The following DOCK1 variants were observed in gnomAD, a reference collection of about 807,000 sequenced individuals.
DOCK1 encodes dedicator of cytokinesis 1.
DOCK1 carries 138 observed loss-of-function variants against 262.7 expected under a neutral mutation model. That is an observed-to-expected ratio of 0.53 (90% CI 0.46 to 0.61). The LOEUF is 0.61. DOCK1 is among the 20% of genes least tolerant of loss of function. The pLI is 0.00. For synonymous variants in DOCK1, 866 were observed against 867.4 expected (o/e 1.00, Z 0.03); for missense variants, 1,908 against 2,370.7 (o/e 0.80, Z 4.05).
chr10:126,964,714 G>A (rs2037528983), intron 1 of DOCK1, among the ~76,000 whole-genome samples: 1 of 152,206 alleles, frequency 6.6e-6, no homozygotes, highest in African/African-American at 2.4e-5. Flanking sequence ...AAGGAGTAAC[G>A]TATGGCCACC....
rs139103960 is a variant in DOCK1, at chr10:127,395,426, C to T, written c.3928-7629C>T. 6.8e-4 allele frequency among the ~76,000 whole-genome samples: 104 copies of T among 152,276 alleles called. 1 individual carries two copies. Among genetic ancestry groups the T allele is most frequent in the African/African-American group, 2.2e-3 (92 of 41,564 alleles). On this transcript the variant is annotated intron_variant, in intron 38 of 51. Coordinates refer to ENST00000623213, the MANE Select transcript of DOCK1 (RefSeq NM_001290223.2). ...TCCACCGTCATGACCTAATCACCTT[C>T]GAAGGCCTCATCTCCTAATGCCAAC... is the stretch of plus-strand genomic sequence containing the variant.
intron 27 of DOCK1, among the ~76,000 whole-genome samples, chr10:127,244,552 A>G (rs1275041041): frequency 6.6e-6 from 1 of 152,182 alleles, no homozygotes; most frequent in African/African-American, 2.4e-5. Flanking sequence ...TGCTCACATT[A>G]TCATCATTGA....
intron 48 of DOCK1, among the ~76,000 whole-genome samples, chr10:127,434,656 C>CTT (rs34630603): frequency 5.6e-5 from 8 of 143,380 alleles, no homozygotes; most frequent in African/African-American, 7.6e-5. Context: ...TGTCTACTTT[C>CTT]TTTTTTTTTT....
intron 27 of DOCK1, among the ~76,000 whole-genome samples, chr10:127,180,202 G>T (rs916530658): frequency 5.3e-5 from 8 of 152,210 alleles, no homozygotes; most frequent in African/African-American, 1.7e-4. Flanking sequence ...CTGGGTGCTG[G>T]TTAGGCAAGG....
intron 22 of DOCK1, among the ~76,000 whole-genome samples, chr10:127,056,757 T>C (rs2045183337): frequency 6.6e-6 from 1 of 152,182 alleles, no homozygotes; most frequent in Non-Finnish European, 1.5e-5. Flanking sequence ...CCTACCCTCA[T>C]TCCTGAGGGG....
chr10:127,287,719 T>G (rs2061209754), intron 29 of DOCK1, among the ~76,000 whole-genome samples: 1 of 151,106 alleles, frequency 6.6e-6, no homozygotes, highest in Non-Finnish European at 1.5e-5. Context: ...TGGTGTGGTG[T>G]TCTTCCCATT....
intron 31 of DOCK1, among the ~76,000 whole-genome samples, chr10:127,346,832 T>G (rs7919057): frequency 0.037 from 5,627 of 152,222 alleles, 206 homozygotes; most frequent in African/African-American, 0.094. Flanking sequence ...CCCAGGAAAG[T>G]CCCCAGGCAG....
intron 18 of DOCK1, among the ~76,000 whole-genome samples, chr10:127,037,440 G>A (rs1021547011): frequency 6.6e-6 from 1 of 152,200 alleles, no homozygotes; most frequent in Non-Finnish European, 1.5e-5. Flanking sequence ...CCTGTAGAAT[G>A]GAAAGACAAG....
intron 29 of DOCK1, among the ~76,000 whole-genome samples, chr10:127,301,677 G>T (rs2061683417): frequency 6.6e-6 from 1 of 152,114 alleles, no homozygotes; most frequent in African/African-American, 2.4e-5. Context: ...TGCGCGCTGT[G>T]GCTCATGCCT....
At chr10:127,239,838 T>C (rs926699968) in intron 27 of DOCK1, among the ~76,000 whole-genome samples, 1 of 152,284 alleles carries the variant, frequency 6.6e-6, no homozygotes, top group Non-Finnish European at 1.5e-5. Context: ...TAGGATCAAA[T>C]GAATTATATT....
chr10:127,012,495 T>C lies in DOCK1; in HGVS notation c.1201+121T>C. The C allele has an allele frequency of 1.2e-6, 1 of 819,558 alleles. No individual in the cohort carries two copies. 50.8% of individuals were successfully genotyped at this position (819,558 alleles called of 1,614,324 possible). On this transcript the variant is annotated intron_variant, in intron 12 of 51. Coordinates refer to ENST00000623213, the MANE Select transcript of DOCK1 (RefSeq NM_001290223.2). This position sits in a 1 kb window ranked among gnomAD's most constrained non-coding sequence, Gnocchi z 4.0. ...GTGGTGATAATGATGGGGATGACAGTGATCGTGGTGGAGAATGTGTGTGAC... is the reference window on the plus strand; with the variant it reads ...GTGGTGATAATGATGGGGATGACAGCGATCGTGGTGGAGAATGTGTGTGAC...
intron 29 of DOCK1, among the ~76,000 whole-genome samples, chr10:127,335,517 T>C (rs2063150934): frequency 1.3e-5 from 2 of 152,156 alleles, no homozygotes; most frequent in Admixed American, 6.5e-5. Flanking sequence ...TTCACATTTA[T>C]TAGAAATAAC....
At chr10:126,960,452 G>A (rs2037107640) in intron 1 of DOCK1, among the ~76,000 whole-genome samples, 1 of 151,086 alleles carries the variant, frequency 6.6e-6, no homozygotes, top group African/African-American at 2.4e-5. Context: ...GTCGGGATGT[G>A]CAAGGCTGCT....
intron 29 of DOCK1, among the ~76,000 whole-genome samples, chr10:127,333,926 T>G (rs1385110545): frequency 6.6e-6 from 1 of 152,164 alleles, no homozygotes; most frequent in African/African-American, 2.4e-5. Flanking sequence ...ACAAAACCTG[T>G]AGGTTCAAAG....
At chr10:127,396,280 A>G (rs2066837654) in intron 38 of DOCK1, among the ~76,000 whole-genome samples, 1 of 152,200 alleles carries the variant, frequency 6.6e-6, no homozygotes, top group South Asian at 2.1e-4. Flanking sequence ...TCACAGCTGC[A>G]GTGATGTTTG....
intron 2 of DOCK1, among the ~76,000 whole-genome samples, chr10:126,976,689 T>C (rs1327662712): frequency 6.6e-6 from 1 of 152,134 alleles, no homozygotes; most frequent in Non-Finnish European, 1.5e-5. Flanking sequence ...TCTGTCACTC[T>C]CTGACAGGGT....
chr10:127,249,408 T>C (rs10764913), intron 28 of DOCK1, among the ~76,000 whole-genome samples: 6 of 151,378 alleles, frequency 4.0e-5, no homozygotes, highest in Middle Eastern at 3.5e-3. Flanking sequence ...TATATACATA[T>C]ATATATACAT....
chr10:126,996,378 C>CAAAAAA (rs55841173), intron 6 of DOCK1, among the ~76,000 whole-genome samples: 1 of 95,576 alleles, frequency 1.0e-5, no homozygotes, highest in Non-Finnish European at 2.1e-5. Flanking sequence ...GAGACTGTCT[C>CAAAAAA]AAAAAAAAAA....
intron 12 of DOCK1, chr10:127,015,950 T>G (rs1278143528): frequency 6.6e-6 from 1 of 152,340 alleles, no homozygotes; most frequent in Non-Finnish European, 1.5e-5. Context: ...CCACCTCCCC[T>G]GGGTGAGGAC....
Sources: allele counts gnomAD v4.1 joint callset (sites outside exome capture counted in the v4.1 genomes callset), GRCh38; gene constraint gnomAD v4.1.1; non-coding constraint Gnocchi (gnomAD v3.1); transcripts MANE v1.5; gene names NCBI Gene and HGNC (gene_info 2026-07-23, HGNC 2026-07-21).